TMPRSS11A: variants seen among roughly 807,000 people sequenced by gnomAD.
The protein encoded by TMPRSS11A is transmembrane protease serine 11A.
In TMPRSS11A, 53 loss-of-function variants were observed where a neutral mutation model predicts 58.9. The observed-to-expected ratio is 0.90, with a 90% confidence interval of 0.72 to 1.13. TMPRSS11A has a LOEUF of 1.13. TMPRSS11A is among the 50% of genes most tolerant of loss of function. TMPRSS11A has a pLI of 0.00. For synonymous variants in TMPRSS11A, 167 were observed against 169.8 expected (o/e 0.98, Z 0.13); for missense variants, 493 against 499.3 (o/e 0.99, Z 0.12).
rs1371826095 is a variant in TMPRSS11A at position 67,929,876 on chromosome 4, T to G, written c.481+4A>C. ...TCATATCACATAGAAGGGGACCTCC[T>G]TACCATTAACTTGAACTGATGAGGC... On this transcript the variant is annotated splice_donor_region_variant and intron_variant, in intron 5 of 9. Coordinates refer to ENST00000508048, the MANE Select transcript of TMPRSS11A (RefSeq NM_001114387.2). The G allele has an allele frequency of 6.2e-7, 1 of 1,604,836 alleles. No individual in the cohort carries two copies. Among genetic ancestry groups the G allele is most frequent in the Non-Finnish European group, 8.5e-7 (1 of 1,174,102 alleles).
intron 3 of TMPRSS11A, among the ~76,000 whole-genome samples, chr4:67,944,174 A>G (rs7688590): frequency 0.96 from 146,772 of 152,238 alleles, 71,000 homozygotes; most frequent in East Asian, 1. Flanking sequence ...ACTAGTTTTG[A>G]TATGATTAGG....
chr4:67,914,487 C>A (rs1359110799), intron 9 of TMPRSS11A, 101 bp downstream of exon 9: 2 of 1,091,374 alleles, frequency 1.8e-6, no homozygotes, highest in Non-Finnish European at 2.7e-6. Context: ...TTTGAGCTGA[C>A]ATGATATCTA....
At chr4:67,943,606 A>C (rs1471046305) in intron 3 of TMPRSS11A, among the ~76,000 whole-genome samples, 5 of 152,174 alleles carry the variant, frequency 3.3e-5, no homozygotes, top group African/African-American at 9.7e-5. Context: ...AAGAATGCAG[A>C]ATCTATATCA....
intron 3 of TMPRSS11A, among the ~76,000 whole-genome samples, chr4:67,935,834 T>C (rs1228481722): frequency 6.6e-6 from 1 of 151,512 alleles, no homozygotes; most frequent in Non-Finnish European, 1.5e-5. Context: ...TCGGAAGAGA[T>C]TTTTTTTTCC....
At chr4:67,929,737 G>T in intron 5 of TMPRSS11A, 143 bp downstream of exon 5, 1 of 780,340 alleles carries the variant, frequency 1.3e-6, no homozygotes, top group Non-Finnish European at 2.0e-6. Context: ...AATACACCTT[G>T]AAATGTCACA....
At chr4:67,948,139 G>GTTT in intron 1 of TMPRSS11A, among the ~76,000 whole-genome samples, 2 of 136,580 alleles carry the variant, frequency 1.5e-5, no homozygotes, top group African/African-American at 5.5e-5. Context: ...CTATAAAACA[G>GTTT]TTTTTTTCTT....
Position 67,918,971 on chromosome 4 carries a change from A to G in TMPRSS11A, c.952+2T>C, listed in dbSNP as rs750917820. ...CTCTGTTAGCTATCCTGAGATACCC[A>G]CCACCATAGTAAAGTGCTCCAAATC... On this transcript the variant is annotated splice_donor_variant, in intron 8 of 9. Transcript: ENST00000508048. LOFTEE classifies it high-confidence loss of function. The G allele has an allele frequency of 1.2e-6, 2 of 1,614,090 alleles. No homozygotes were observed. Among genetic ancestry groups the G allele is most frequent in the South Asian group, 2.2e-5 (2 of 91,086 alleles).
At chr4:67,924,277 C>T (rs1284262303) in intron 5 of TMPRSS11A, 111 bp from the exon 6 acceptor site, 9 of 896,478 alleles carry the variant, frequency 1.0e-5, no homozygotes, top group Middle Eastern at 3.0e-4. Context: ...GACAGTTGAA[C>T]ATATAGATTA....
chr4:67,936,311 C>A (rs1720750363), intron 3 of TMPRSS11A, among the ~76,000 whole-genome samples: 2 of 148,144 alleles, frequency 1.4e-5, no homozygotes, highest in Admixed American at 1.4e-4. Flanking sequence ...AAGTTCGTAT[C>A]ATATCTGTAT....
chr4:67,944,579 G>A lies in TMPRSS11A; in HGVS notation c.192C>T (p.Asn64=). 1 of 1,612,842 alleles carries A rather than the reference G, an allele frequency of 6.2e-7. No individual in the cohort carries two copies. The highest frequency in any genetic ancestry group is 8.5e-7 in the Non-Finnish European group (1 of 1,179,046). Residue 64 remains asparagine (N), a synonymous_variant, in exon 3 of 10, where the codon AAC becomes AAT. Transcript: ENST00000508048. ...GATATGTGTTGCTTTGTCCGAAATTGTTATTGATTTGTGGATCTAAAATTT... is the reference window on the plus strand; with the variant it reads ...GATATGTGTTGCTTTGTCCGAAATTATTATTGATTTGTGGATCTAAAATTT... The part of the protein sequence containing the change: ...SFKILDPQIN[N]NFGQSNTYQL...
chr4:67,929,171 T>C (rs193113470), intron 5 of TMPRSS11A, among the ~76,000 whole-genome samples: 14 of 152,306 alleles, frequency 9.2e-5, no homozygotes, highest in Non-Finnish European at 1.8e-4. Context: ...ATTTCACTTC[T>C]ATAAAGGTGA....
chr4:67,962,055 A>AT (rs1180780279), intron 1 of TMPRSS11A, among the ~76,000 whole-genome samples: 1 of 152,200 alleles, frequency 6.6e-6, no homozygotes, highest in Non-Finnish European at 1.5e-5. Flanking sequence ...AAACATGGAT[A>AT]TGCATTTTCA....
rs747547879 is a variant in TMPRSS11A, at chr4:67,911,518, A to G, written c.1096-15T>C. The G allele has an allele frequency of 9.4e-6, 15 of 1,591,244 alleles. No homozygotes were observed. The East Asian group carries it at 1.1e-4, about 12-fold the overall frequency. The stretch of plus-strand genomic sequence containing the variant: ...CCAGAATCACCCTAAAAATAAAAAC[A>G]TAAGAAAAAAGAAAGAAAATTAGCT... On this transcript the variant is annotated splice_polypyrimidine_tract_variant and intron_variant, in intron 9 of 9. Transcript: ENST00000508048.
At chr4:67,958,992 T>C (rs1721360033) in intron 1 of TMPRSS11A, among the ~76,000 whole-genome samples, 1 of 152,206 alleles carries the variant, frequency 6.6e-6, no homozygotes, top group African/African-American at 2.4e-5. Flanking sequence ...TCTGCCATGA[T>C]TGTGAGGCCT....
intron 8 of TMPRSS11A, among the ~76,000 whole-genome samples, chr4:67,916,278 A>T (rs1720143208): frequency 6.6e-6 from 1 of 152,228 alleles, no homozygotes; most frequent in African/African-American, 2.4e-5. Flanking sequence ...AATTAAAAAA[A>T]AAACTAAGTA....
At chr4:67,954,144 T>C (rs1721225955) in intron 1 of TMPRSS11A, among the ~76,000 whole-genome samples, 1 of 152,100 alleles carries the variant, frequency 6.6e-6, no homozygotes, top group South Asian at 2.1e-4. Context: ...TCCTCACCTA[T>C]CTAGAAAAAT....
intron 3 of TMPRSS11A, among the ~76,000 whole-genome samples, chr4:67,933,818 G>GA (rs1290695976): frequency 6.6e-6 from 1 of 152,042 alleles, no homozygotes; most frequent in South Asian, 2.1e-4. Context: ...AATTTAGAAG[G>GA]AAAAAAGCAA....
At chr4:67,924,280 A>G (rs1553922246) in intron 5 of TMPRSS11A, 114 bp from the exon 6 acceptor site, 3 of 884,006 alleles carry the variant, frequency 3.4e-6, no homozygotes, top group Non-Finnish European at 5.6e-6. Context: ...AGTTGAACAT[A>G]TAGATTAATT....
At chr4:67,930,385 G>A (rs544671963) in intron 4 of TMPRSS11A, among the ~76,000 whole-genome samples, 2 of 152,008 alleles carry the variant, frequency 1.3e-5, no homozygotes, top group Non-Finnish European at 2.9e-5. Context: ...ACTTCTACAG[G>A]GTCCATGACA....
Sources: gnomAD v4.1 joint callset for allele counts (sites outside exome capture counted in the v4.1 genomes callset) on GRCh38, gnomAD v4.1.1 for gene constraint, MANE v1.5 for transcripts, NCBI Gene and HGNC (gene_info 2026-07-23, HGNC 2026-07-21) for gene names.